CCDC88C: variants seen among roughly 807,000 people sequenced by gnomAD.
The protein encoded by CCDC88C is protein Daple.
Under a neutral mutation model 198.8 loss-of-function variants are expected in CCDC88C, and 131 were observed. The observed-to-expected ratio is 0.66, with a 90% confidence interval of 0.57 to 0.76. The LOEUF (loss-of-function observed/expected upper bound fraction) is 0.76. Among genes scored for constraint, CCDC88C ranks in the 30% least tolerant of loss-of-function variants. CCDC88C has a pLI of 0.00. For missense variants in CCDC88C, 2,553 were observed against 2,631.6 expected (o/e 0.97, Z 0.65); for synonymous variants, 1,166 against 1,114.7 (o/e 1.05, Z -0.92).
chr14:91,356,349 G>A (rs1894039852), intron 4 of CCDC88C, among the ~76,000 whole-genome samples: 1 of 152,076 alleles, frequency 6.6e-6, no homozygotes, highest in African/African-American at 2.4e-5. Flanking sequence ...AGCCTGCCGA[G>A]GCCACCGTCT....
At chr14:91,293,570 C>CCACCTTCCCATCCTCACCTGCCACAGCT (rs1890855287) in intron 23 of CCDC88C, among the ~76,000 whole-genome samples, 1 of 45,492 alleles carries the variant, frequency 2.2e-5, no homozygotes, top group East Asian at 6.9e-4. Flanking sequence ...CTGCCACGGC[C>CCACCTTCCCATCCTCACCTGCCACAGCT]CACCTTCCTG....
rs988366841 is a variant in CCDC88C, at chr14:91,371,536, G to A, written c.271-11825C>T. Reference sequence around the variant, plus strand: ...AGCACAGACCAAGACCACAGTCTTGGTCCCGAGGAGCCTGTGGAGTCACAG... The same window carrying A: ...AGCACAGACCAAGACCACAGTCTTGATCCCGAGGAGCCTGTGGAGTCACAG... On this transcript the variant is annotated intron_variant, in intron 3 of 29. Transcript: ENST00000389857. The surrounding 1 kb of genome is among the most constrained non-coding windows in gnomAD (Gnocchi z 4.2). Among the ~76,000 whole-genome samples, 7 of 152,172 alleles carry A rather than the reference G, an allele frequency of 4.6e-5. 1 individual carries two copies. The Middle Eastern group carries it at 0.01, about 222-fold the overall frequency.
At chr14:91,297,512 G>C (rs1180299476) in intron 21 of CCDC88C, 21 bp from the exon 22 acceptor site, 3 of 1,551,044 alleles carry the variant, frequency 1.9e-6, no homozygotes, top group Middle Eastern at 3.3e-4. Flanking sequence ...AAGAGTCACA[G>C]GGCAAAGGAG....
At chr14:91,351,325 C>T (rs948476055) in intron 4 of CCDC88C, among the ~76,000 whole-genome samples, 2 of 152,188 alleles carry the variant, frequency 1.3e-5, no homozygotes, top group Admixed American at 6.5e-5. Context: ...GCACTGAACA[C>T]GACCCTGTTG....
Position 91,338,166 on chromosome 14 carries a change from G to T in CCDC88C, c.892-3C>A. ...GCGTCTGCCGCTAGCTGGATGTTCT[G>T]CAAGGTGGACAAAGGCAGGAGAACC... On this transcript the variant is annotated splice_polypyrimidine_tract_variant and splice_region_variant and intron_variant, in intron 9 of 29. Coordinates refer to ENST00000389857, the MANE Select transcript of CCDC88C (RefSeq NM_001080414.4). The surrounding 1 kb of genome is among the most constrained non-coding windows in gnomAD (Gnocchi z 4.8). The T allele has an allele frequency of 6.2e-7, 1 of 1,613,184 alleles. No homozygotes were observed. Among genetic ancestry groups the T allele is most frequent in the Non-Finnish European group, 8.5e-7 (1 of 1,179,374 alleles).
chr14:91,360,166 TCAACGCTTTGG>T (rs1894242496), intron 3 of CCDC88C, among the ~76,000 whole-genome samples: 1 of 151,888 alleles, frequency 6.6e-6, no homozygotes, highest in Non-Finnish European at 1.5e-5. Context: ...GCCTGTAGTC[TCAACGCTTTGG>T]GTGGCTGAGG....
At chr14:91,279,343 A>C in intron 27 of CCDC88C, 37 bp from the exon 28 acceptor site, 2 of 1,524,328 alleles carry the variant, frequency 1.3e-6, no homozygotes, top group South Asian at 1.2e-5. Context: ...TAAAAAGCCA[A>C]TGACCAGGTA....
At chr14:91,349,340 C>T (rs975577814) in intron 4 of CCDC88C, among the ~76,000 whole-genome samples, 3 of 152,322 alleles carry the variant, frequency 2.0e-5, no homozygotes, top group Admixed American at 6.5e-5. Flanking sequence ...ACAGACTTAT[C>T]GGGTAGGCAA....
At chr14:91,321,717 G>A (rs1053889102) in intron 12 of CCDC88C, among the ~76,000 whole-genome samples, 2 of 152,148 alleles carry the variant, frequency 1.3e-5, no homozygotes, top group Non-Finnish European at 2.9e-5. Context: ...CAGCAGGCAG[G>A]GGCACGTAAC....
Position 91,308,418 on chromosome 14 carries a change from A to T in CCDC88C, c.2939T>A (p.Val980Glu). The change falls in exon 17 of 30, where the codon GTG becomes GAG. Residue 980 changes from valine (V) to glutamate (E), a missense_variant. Val to Glu is a moderately radical substitution (Grantham distance 121). This residue lies in a region of CCDC88C where 1,260 missense variants were observed against 1,412.0 expected (regional missense o/e 0.89). Transcript: ENST00000389857. ...TTLAMKEEKI[V>E]LLEAQMEEKA... ...CTCTTCCATCTGTGCTTCTAAGAGC[A>T]CAATCTTTTCTTCTTTCATGGCTAG... The T allele has an allele frequency of 6.2e-7, 1 of 1,614,026 alleles. No individual in the cohort carries two copies. Among genetic ancestry groups the T allele is most frequent in the East Asian group, 2.2e-5 (1 of 44,874 alleles).
chr14:91,338,428 C>G lies in CCDC88C; in HGVS notation c.891+61G>C. On this transcript the variant is annotated intron_variant, in intron 9 of 29. Coordinates refer to ENST00000389857, the MANE Select transcript of CCDC88C (RefSeq NM_001080414.4). The surrounding 1 kb of genome is among the most constrained non-coding windows in gnomAD (Gnocchi z 4.8). Reference sequence around the variant, plus strand: ...GTTGAGCTCCTGACCCTCCAGGCCCCGTTACTGGACACTCCAGCCCTGCTA... The same window carrying G: ...GTTGAGCTCCTGACCCTCCAGGCCCGGTTACTGGACACTCCAGCCCTGCTA... 1.4e-6 allele frequency: 2 copies of G among 1,421,884 alleles called. No homozygotes were observed. Among genetic ancestry groups the G allele is most frequent in the African/African-American group, 1.4e-5 (1 of 70,476 alleles). The allele number at this position is 1,421,884 out of a possible 1,614,324, so 88.1% of individuals were successfully genotyped here. A position where few individuals can be genotyped will look rare whatever the true frequency, so the allele number is the denominator to read the frequency against.
chr14:91,395,115 G>A (rs1158828381), intron 3 of CCDC88C, among the ~76,000 whole-genome samples: 1 of 152,212 alleles, frequency 6.6e-6, no homozygotes, highest in Non-Finnish European at 1.5e-5. Flanking sequence ...CCACAAATCT[G>A]AGGGGTACGC....
intron 22 of CCDC88C, among the ~76,000 whole-genome samples, chr14:91,295,511 G>C (rs1010625399): frequency 4.6e-5 from 7 of 152,196 alleles, no homozygotes; most frequent in South Asian, 2.1e-4. Flanking sequence ...TGGCCGGGGG[G>C]GCCCCAGGGA....
At chr14:91,318,831 T>A (rs1477751250) in intron 13 of CCDC88C, among the ~76,000 whole-genome samples, 1 of 146,298 alleles carries the variant, frequency 6.8e-6, no homozygotes, top group Non-Finnish European at 1.5e-5. Flanking sequence ...GACAGGAGCA[T>A]CGCTTGAACC....
At chr14:91,292,317 C>A (rs1890694477) in intron 23 of CCDC88C, among the ~76,000 whole-genome samples, 2 of 152,196 alleles carry the variant, frequency 1.3e-5, no homozygotes, top group South Asian at 4.1e-4. Flanking sequence ...CCCAGGAAGC[C>A]TGCCAACCCA....
In CCDC88C at chr14:91,417,802, G is replaced by T; in HGVS notation, c.-112C>A. 1 of 602,168 alleles carries T rather than the reference G, an allele frequency of 1.7e-6. No individual in the cohort carries two copies. The highest frequency in any genetic ancestry group is 2.2e-6 in the Non-Finnish European group (1 of 446,730). 37.3% of individuals were successfully genotyped at this position (602,168 alleles called of 1,614,324 possible). On this transcript the variant is annotated 5_prime_UTR_variant, in exon 1 of 30. Coordinates refer to ENST00000389857, the MANE Select transcript of CCDC88C (RefSeq NM_001080414.4). The stretch of plus-strand genomic sequence containing the variant: ...AGCGGGCGCGGGGCTGCGGCGGCTC[G>T]CGCCCGGGAGACAAAGGCGGGGCGC...
At chr14:91,359,797 C>T in intron 3 of CCDC88C, 86 bp from the exon 4 acceptor site, 1 of 1,232,484 alleles carries the variant, frequency 8.1e-7, no homozygotes. Context: ...TAATGAAGCC[C>T]CCGGACGGGT....
At position 91,278,103 on chromosome 14, in the gene CCDC88C, T is replaced by C. The variant is rs1482983918; in HGVS notation, c.4877A>G (p.Asn1626Ser). Residue 1626 changes from asparagine (N) to serine (S), a missense_variant, in exon 29 of 30, where the codon AAC (asparagine) becomes AGC (serine). By Grantham distance (46) the Asn-to-Ser change is conservative. This residue lies in a region of CCDC88C where 1,293 missense variants were observed against 1,219.6 expected (regional missense o/e 1.06). Coordinates refer to ENST00000389857, the MANE Select transcript of CCDC88C (RefSeq NM_001080414.4). ...GGGGTACTCGTGGCGGCCGAGGGCG[T>C]TGCGTCCCGGTGTGCTGGCTTCCCG... ...LPREASTPGRNALGRHEYPLP... is the reference protein window; with the variant it reads ...LPREASTPGRSALGRHEYPLP... The C allele has an allele frequency of 6.2e-7, 1 of 1,612,832 alleles. No individual in the cohort carries two copies. The highest frequency in any genetic ancestry group is 8.5e-7 in the Non-Finnish European group (1 of 1,179,598).
Position 91,272,826 on chromosome 14 carries a change from G to A in CCDC88C, c.5886C>T (p.Leu1962=), listed in dbSNP as rs1420178725. 1 of 1,596,220 alleles carries A rather than the reference G, an allele frequency of 6.3e-7. No individual in the cohort carries two copies. The highest frequency in any genetic ancestry group is 8.5e-7 in the Non-Finnish European group (1 of 1,171,944). The change falls in exon 30 of 30, where the codon CTC becomes CTT. Residue 1962 remains leucine (L), a synonymous_variant. Transcript: ENST00000389857. The stretch of plus-strand genomic sequence containing the variant: ...GCCCCGGGACCCCGTCTCCCTCTGA[G>A]AGGCTGAGCCCTGCCCGGACAGGGG... ...TITPVRAGLS[L]SEGDGVPGQG...
Sources: gnomAD v4.1 joint callset for allele counts (sites outside exome capture counted in the v4.1 genomes callset) on GRCh38, gnomAD v4.1.1 for gene constraint, gnomAD v4.1.1 regional missense constraint, Gnocchi (gnomAD v3.1) non-coding constraint, MANE v1.5 for transcripts, NCBI Gene and HGNC (gene_info 2026-07-23, HGNC 2026-07-21) for gene names.